PDCD6IP: variants seen among roughly 807,000 people sequenced by gnomAD.
PDCD6IP encodes the protein programmed cell death 6-interacting protein.
In PDCD6IP, 43 loss-of-function variants were observed where a neutral mutation model predicts 103.7. The ratio of observed to expected loss-of-function variants is 0.41; its 90% CI spans 0.32 to 0.53. The LOEUF (loss-of-function observed/expected upper bound fraction) is 0.53. Among genes scored for constraint, PDCD6IP ranks in the 20% least tolerant of loss-of-function variants. The probability of loss-of-function intolerance (pLI) is 0.16; values close to 1 mark genes in which losing one functional copy is unlikely to be tolerated. For missense variants in PDCD6IP, 871 were observed against 1,036.7 expected (o/e 0.84, Z 2.20); for synonymous variants, 354 against 378.7 (o/e 0.93, Z 0.76).
intron 7 of PDCD6IP, among the ~76,000 whole-genome samples, chr3:33,831,813 A>G (rs1190710662): frequency 6.6e-6 from 1 of 151,974 alleles, no homozygotes; most frequent in Admixed American, 6.6e-5. Context: ...TTCTTACTGA[A>G]GTGGTAGTAT....
chr3:33,800,773 G>C (rs1696459608), intron 1 of PDCD6IP, among the ~76,000 whole-genome samples: 1 of 152,122 alleles, frequency 6.6e-6, no homozygotes, highest in African/African-American at 2.4e-5. Context: ...TGAGCCCTGT[G>C]ATAAAAATCT....
chr3:33,844,047 T>A, intron 10 of PDCD6IP, 65 bp from the exon 11 acceptor site: 1 of 939,556 alleles, frequency 1.1e-6, no homozygotes, highest in Non-Finnish European at 1.7e-6. Context: ...TGAACATTTA[T>A]TAAATGTATT....
chr3:33,814,549 ATATG>A (rs1287129859), intron 3 of PDCD6IP, among the ~76,000 whole-genome samples: 5 of 149,288 alleles, frequency 3.3e-5, no homozygotes, highest in African/African-American at 1.2e-4. Context: ...TATATGTGAT[ATATG>A]TATATTTCAT....
chr3:33,858,082 C>T (rs1697868189), intron 15 of PDCD6IP, among the ~76,000 whole-genome samples: 1 of 152,272 alleles, frequency 6.6e-6, no homozygotes, highest in South Asian at 2.1e-4. Context: ...ATTATTATTA[C>T]TGAAGTTGTT....
chr3:33,844,357 TA>T (rs1486061486), intron 11 of PDCD6IP, 134 bp downstream of exon 11: 3 of 472,138 alleles, frequency 6.4e-6, no homozygotes, highest in East Asian at 7.1e-5. Flanking sequence ...GTATAAAGAT[TA>T]AAAAAGTTCA....
chr3:33,815,092 T>A (rs1696817217), intron 3 of PDCD6IP, among the ~76,000 whole-genome samples: 5 of 149,030 alleles, frequency 3.4e-5, no homozygotes, highest in Non-Finnish European at 1.5e-5. Flanking sequence ...GCATACCATA[T>A]ACATACATGT....
intron 3 of PDCD6IP, among the ~76,000 whole-genome samples, chr3:33,821,182 T>G (rs1472301372): frequency 6.6e-6 from 1 of 151,294 alleles, no homozygotes; most frequent in Non-Finnish European, 1.5e-5. Flanking sequence ...AACAATTTTT[T>G]TTTTTTTTGT....
chr3:33,856,503 T>C (rs920733089), intron 15 of PDCD6IP, among the ~76,000 whole-genome samples: 2 of 152,144 alleles, frequency 1.3e-5, no homozygotes, highest in Non-Finnish European at 2.9e-5. Context: ...AGATCTAATA[T>C]AGGCAAAACT....
chr3:33,825,827 G>T (rs1347689410), intron 5 of PDCD6IP, among the ~76,000 whole-genome samples: 6 of 152,168 alleles, frequency 3.9e-5, no homozygotes, highest in Admixed American at 3.9e-4. Flanking sequence ...ATAGTGGCTG[G>T]TGGTATGGTT....
chr3:33,844,758 G>A (rs1332120475), intron 11 of PDCD6IP, among the ~76,000 whole-genome samples: 2 of 152,136 alleles, frequency 1.3e-5, no homozygotes, highest in Non-Finnish European at 2.9e-5. Flanking sequence ...TGAGATTACA[G>A]GCTTGAACCA....
At chr3:33,834,191 AT>A (rs1697298546) in intron 7 of PDCD6IP, among the ~76,000 whole-genome samples, 1 of 151,532 alleles carries the variant, frequency 6.6e-6, no homozygotes, top group Admixed American at 6.6e-5. Flanking sequence ...TCAGCATCAC[AT>A]TTTTTTCTGT....
chr3:33,809,069 G>A (rs1259206114), intron 1 of PDCD6IP, among the ~76,000 whole-genome samples: 1 of 151,958 alleles, frequency 6.6e-6, no homozygotes, highest in African/African-American at 2.4e-5. Flanking sequence ...TTTTCATGTA[G>A]TCAAATGACC....
intron 7 of PDCD6IP, 83 bp from the exon 8 acceptor site, chr3:33,835,961 C>A: frequency 1.3e-6 from 1 of 794,136 alleles, no homozygotes; most frequent in South Asian, 1.8e-5. Context: ...TTTTTGAAAC[C>A]AATGCTTAAA....
Position 33,867,246 on chromosome 3 carries a change from GAAAC to G in PDCD6IP, c.*727_*730del, listed in dbSNP as rs956630895. 9 of 152,242 alleles carry G rather than the reference GAAAC, an allele frequency of 5.9e-5. No homozygotes were observed. Among genetic ancestry groups the G allele is most frequent in the African/African-American group, 1.7e-4 (7 of 41,570 alleles). 9.4% of individuals were successfully genotyped at this position (152,242 alleles called of 1,614,324 possible). The stretch of plus-strand genomic sequence containing the variant: ...TTTTAGAAAGTCCTATAATGTGGAA[GAAAC>G]AAACAGTTGCTACCAAAGATTCTTC... On this transcript the variant is annotated 3_prime_UTR_variant, in exon 18 of 18. Transcript: ENST00000307296.
rs1418359119 is a variant in PDCD6IP at position 33,852,619 on chromosome 3, T to C, written c.1773T>C (p.Asp591=). The C allele has an allele frequency of 6.2e-7, 1 of 1,604,746 alleles. No individual in the cohort carries two copies. Among genetic ancestry groups the C allele is most frequent in the Admixed American group, 1.7e-5 (1 of 57,818 alleles). The change falls in exon 13 of 18, where the codon GAT becomes GAC. Residue 591 remains aspartate (D), a synonymous_variant. Coordinates refer to ENST00000307296, the MANE Select transcript of PDCD6IP (RefSeq NM_013374.6). ...TSKFLTALAQ[D]GVINEEALSV... is the part of the protein sequence containing the mutation. ...AGTTTTTGACAGCCCTGGCTCAAGA[T>C]GGTGTGATAAATGAAGAAGCTCTTT...
chr3:33,853,971 C>T lies in PDCD6IP; in HGVS notation c.1983C>T (p.Asp661=). The change falls in exon 14 of 18, where the codon GAC becomes GAT. Residue 661 remains aspartate (D), a synonymous_variant. Coordinates refer to ENST00000307296, the MANE Select transcript of PDCD6IP (RefSeq NM_013374.6). ...EVLKNLATAY[D]NFVELVANLK... Reference sequence around the variant, plus strand: ...TGAAGAATTTAGCTACTGCATATGACAACTTTGTTGAACTTGTAGCTAATT... The same window carrying T: ...TGAAGAATTTAGCTACTGCATATGATAACTTTGTTGAACTTGTAGCTAATT... 4.4e-6 allele frequency: 7 copies of T among 1,587,238 alleles called. No homozygotes were observed. Among genetic ancestry groups the T allele is most frequent in the Non-Finnish European group, 6.0e-6 (7 of 1,171,344 alleles).
chr3:33,814,583 GTATAT>G (rs72208843), intron 3 of PDCD6IP, among the ~76,000 whole-genome samples: 42,472 of 142,880 alleles, frequency 0.3, 6,339 homozygotes, highest in East Asian at 0.42. Context: ...TATATTTCAT[GTATAT>G]TATATGTATA....
intron 16 of PDCD6IP, among the ~76,000 whole-genome samples, chr3:33,864,922 T>C (rs925438949): frequency 1.3e-5 from 2 of 152,158 alleles, no homozygotes; most frequent in Admixed American, 6.5e-5. Flanking sequence ...CATGTAAAGT[T>C]TGGGGACTAG....
rs1055767213 is a variant in PDCD6IP, at chr3:33,866,604, C to T, written c.*79C>T. On this transcript the variant is annotated 3_prime_UTR_variant, in exon 18 of 18. Transcript: ENST00000307296. ...CCTGCAATAAGTGTACTAAACTCTA[C>T]GCTCTGGTTAATGTAATGTACTCTC... 5.7e-5 allele frequency: 68 copies of T among 1,188,122 alleles called. No homozygotes were observed. Among genetic ancestry groups the T allele is most frequent in the Non-Finnish European group, 6.9e-5 (58 of 846,334 alleles). 73.6% of individuals were successfully genotyped at this position (1,188,122 alleles called of 1,614,324 possible). A position where few individuals can be genotyped will look rare whatever the true frequency, so the allele number is the denominator to read the frequency against.
Sources: allele counts gnomAD v4.1 joint callset (sites outside exome capture counted in the v4.1 genomes callset), GRCh38; gene constraint gnomAD v4.1.1; transcripts MANE v1.5; gene names NCBI Gene and HGNC (gene_info 2026-07-23, HGNC 2026-07-21).